The following ITGA8 variants were observed in gnomAD, a reference collection of about 807,000 sequenced individuals.
ITGA8 encodes integrin subunit alpha 8, also known as integrin alpha-8.
ITGA8 carries 91 observed loss-of-function variants against 142.3 expected under a neutral mutation model. That is an observed-to-expected ratio of 0.64 (90% confidence interval 0.54 to 0.76). The LOEUF (loss-of-function observed/expected upper bound fraction) is 0.76. Ranked by LOEUF, ITGA8 falls within the 30% of genes least tolerant of loss-of-function variation. ITGA8 has a pLI of 0.00. For missense variants in ITGA8, 1,406 were observed against 1,327.7 expected (o/e 1.06, Z -0.92); for synonymous variants, 505 against 485.2 (o/e 1.04, Z -0.54).
At chr10:15,623,505 G>A (rs1014384311) in intron 13 of ITGA8, among the ~76,000 whole-genome samples, 1 of 152,108 alleles carries the variant, frequency 6.6e-6, no homozygotes, top group Non-Finnish European at 1.5e-5. Context: ...GACCAACAGT[G>A]CAAAACCCCA....
In ITGA8 at chr10:15,556,461, G is replaced by A. The variant is rs999508163; in HGVS notation, c.2766+1613C>T. Among the ~76,000 whole-genome samples, 4 of 152,170 alleles carry A rather than the reference G, an allele frequency of 2.6e-5. 1 individual carries two copies. In the South Asian group the frequency reaches 6.2e-4, roughly 24 times the overall value. On this transcript the variant is annotated intron_variant, in intron 26 of 29. Coordinates refer to ENST00000378076, the MANE Select transcript of ITGA8 (RefSeq NM_003638.3). ...ACTGCAGCTATGGGGCAGGAAGTACGTGCTTGGTCTGTGCCCCCCATACCA... is the reference window on the plus strand; with the variant it reads ...ACTGCAGCTATGGGGCAGGAAGTACATGCTTGGTCTGTGCCCCCCATACCA...
rs1554777628 is a variant in ITGA8 at position 15,611,692 on chromosome 10, C to CATGTTAGCCAGG, written c.1553+1967_1553+1968insCCTGGCTAACAT. Among the ~76,000 whole-genome samples the CATGTTAGCCAGG allele has an allele frequency of 7.8e-4, 118 of 151,632 alleles. No individual in the cohort carries two copies. In the Middle Eastern group the frequency reaches 0.021, roughly 26 times the overall value. On this transcript the variant is annotated intron_variant, in intron 15 of 29. Transcript: ENST00000378076. ...ATTTTTAGTAGAGACAGGGTTTCAC[C>CATGTTAGCCAGG]ATGGTCTCGATCTCCTGACCTCGTG...
Position 15,644,014 on chromosome 10 carries a change from A to G in ITGA8, c.1399+16T>C. On this transcript the variant is annotated intron_variant, in intron 13 of 29. Coordinates refer to ENST00000378076, the MANE Select transcript of ITGA8 (RefSeq NM_003638.3). The stretch of plus-strand genomic sequence containing the variant: ...AGGACGTAGACTCTCACGTGGGAAA[A>G]GAAAGAAAACCTTACCTGGGTAATC... 6.2e-7 allele frequency: 1 copy of G among 1,602,172 alleles called. No homozygotes were observed. Among genetic ancestry groups the G allele is most frequent in the South Asian group, 1.1e-5 (1 of 90,196 alleles).
rs763458865 is a variant in ITGA8 at position 15,607,860 on chromosome 10, AG to A, written c.1610-30del. Reference sequence around the variant, plus strand: ...AAGGACAGAAGTAAAGTAGAGAAAAAGTATTCAGTGAACACAGTGCTCTATC... The same window carrying A: ...AAGGACAGAAGTAAAGTAGAGAAAAATATTCAGTGAACACAGTGCTCTATC... On this transcript the variant is annotated intron_variant, in intron 16 of 29. Coordinates refer to ENST00000378076, the MANE Select transcript of ITGA8 (RefSeq NM_003638.3). 15 of 1,590,452 alleles carry A rather than the reference AG, an allele frequency of 9.4e-6. No individual in the cohort carries two copies. The South Asian group carries it at 1.4e-4, about 15-fold the overall frequency.
chr10:15,695,155 A>T (rs866473165), intron 2 of ITGA8, among the ~76,000 whole-genome samples: 2 of 152,130 alleles, frequency 1.3e-5, no homozygotes, highest in Non-Finnish European at 2.9e-5. Context: ...CAACTGGGCA[A>T]TTTGGCAGTA....
At chr10:15,719,160 G>A (rs1395372883) in intron 1 of ITGA8, among the ~76,000 whole-genome samples, 1 of 152,214 alleles carries the variant, frequency 6.6e-6, no homozygotes, top group African/African-American at 2.4e-5. Context: ...TGGGGTAGGA[G>A]GAAGCCAAGG....
intron 21 of ITGA8, among the ~76,000 whole-genome samples, chr10:15,593,585 A>T (rs896198997): frequency 3.3e-5 from 5 of 152,240 alleles, no homozygotes; most frequent in African/African-American, 4.8e-5. Context: ...CAAAACTCAT[A>T]TTCACATGAA....
chr10:15,673,598 A>G (rs1038235965), intron 6 of ITGA8, among the ~76,000 whole-genome samples: 5 of 152,234 alleles, frequency 3.3e-5, no homozygotes, highest in African/African-American at 1.2e-4. Context: ...AAGCATAGAT[A>G]CTGTATTCAA....
intron 2 of ITGA8, among the ~76,000 whole-genome samples, chr10:15,708,605 A>G (rs575587172): frequency 6.6e-6 from 1 of 152,320 alleles, no homozygotes; most frequent in South Asian, 2.1e-4. Flanking sequence ...AGTTTTAATC[A>G]CATTTCCCAA....
intron 23 of ITGA8, 131 bp downstream of exon 23, chr10:15,586,453 G>T: frequency 1.7e-6 from 1 of 594,118 alleles, no homozygotes; most frequent in Non-Finnish European, 3.1e-6. Flanking sequence ...CAGTAGAAAA[G>T]AGTGAAAATT....
intron 2 of ITGA8, among the ~76,000 whole-genome samples, chr10:15,694,439 T>C (rs1835007742): frequency 1.7e-5 from 1 of 59,192 alleles, no homozygotes; most frequent in South Asian, 5.9e-4. Context: ...ATATATGATA[T>C]ATCTTACATT....
intron 2 of ITGA8, among the ~76,000 whole-genome samples, chr10:15,702,431 C>T (rs1017367850): frequency 8.5e-5 from 13 of 152,212 alleles, no homozygotes; most frequent in South Asian, 2.1e-4. Flanking sequence ...CCTGGGATTA[C>T]AGGTGGCCCC....
At chr10:15,633,322 G>T (rs892275989) in intron 13 of ITGA8, among the ~76,000 whole-genome samples, 16 of 152,032 alleles carry the variant, frequency 1.1e-4, no homozygotes, top group African/African-American at 3.1e-4. Flanking sequence ...AATAAAGAAG[G>T]TATGGTTAAA....
intron 2 of ITGA8, among the ~76,000 whole-genome samples, chr10:15,704,329 A>G (rs1471158473): frequency 6.6e-6 from 1 of 152,192 alleles, no homozygotes; most frequent in Non-Finnish European, 1.5e-5. Context: ...CCTGTTTCTT[A>G]GGTGCACACT....
chr10:15,613,776 A>T lies in ITGA8; in HGVS notation c.1446-9T>A, dbSNP rs908409280. On this transcript the variant is annotated splice_polypyrimidine_tract_variant and intron_variant, in intron 14 of 29. Coordinates refer to ENST00000378076, the MANE Select transcript of ITGA8 (RefSeq NM_003638.3). ...TCACAACCGGTCTTGCTCTGCGGGGAGAAAATGCAGGGTTTGTTTAAATAA... is the reference window on the plus strand; with the variant it reads ...TCACAACCGGTCTTGCTCTGCGGGGTGAAAATGCAGGGTTTGTTTAAATAA... 8 of 1,591,760 alleles carry T rather than the reference A, an allele frequency of 5.0e-6. No homozygotes were observed. The highest frequency in any genetic ancestry group is 6.9e-6 in the Non-Finnish European group (8 of 1,159,828).
At chr10:15,542,709 C>G (rs1022142570) in intron 27 of ITGA8, among the ~76,000 whole-genome samples, 1 of 152,106 alleles carries the variant, frequency 6.6e-6, no homozygotes, top group African/African-American at 2.4e-5. Context: ...AAGATTCTCC[C>G]CCTTACTATC....
chr10:15,609,078 A>G (rs1326730073), intron 15 of ITGA8, among the ~76,000 whole-genome samples: 4 of 152,130 alleles, frequency 2.6e-5, no homozygotes, highest in African/African-American at 9.7e-5. Flanking sequence ...TGAACACACC[A>G]TCACTACCAT....
In ITGA8 at chr10:15,515,822, T is replaced by A; in HGVS notation, c.*1336A>T. On this transcript the variant is annotated 3_prime_UTR_variant, in exon 30 of 30. Transcript: ENST00000378076. ...GAATTATTTACAAGAGTTTTAAACATAAAAAATTTGTGATGGTTAAATTCA... is the reference window on the plus strand; with the variant it reads ...GAATTATTTACAAGAGTTTTAAACAAAAAAAATTTGTGATGGTTAAATTCA... 6.6e-6 allele frequency: 1 copy of A among 152,122 alleles called. No individual in the cohort carries two copies. Among genetic ancestry groups the A allele is most frequent in the East Asian group, 1.9e-4 (1 of 5,202 alleles). 9.4% of individuals were successfully genotyped at this position (152,122 alleles called of 1,614,324 possible). A position where few individuals can be genotyped will look rare whatever the true frequency, so the allele number is the denominator to read the frequency against.
chr10:15,531,415 T>TCC (rs1564338582), intron 27 of ITGA8, among the ~76,000 whole-genome samples: 1 of 125,964 alleles, frequency 7.9e-6, no homozygotes, highest in African/African-American at 3.0e-5. Context: ...AGCATCCATC[T>TCC]ATCCATCCAT....
Sources: allele counts gnomAD v4.1 joint callset (sites outside exome capture counted in the v4.1 genomes callset), GRCh38; gene constraint gnomAD v4.1.1; transcripts MANE v1.5; gene names NCBI Gene and HGNC (gene_info 2026-07-23, HGNC 2026-07-21).